Variants in SUPT3H observed in about 807,000 individuals in gnomAD.
SUPT3H encodes the protein SPT3 homolog, SAGA and STAGA complex component, also known as transcription initiation protein SPT3 homolog.
SUPT3H carries 44 observed loss-of-function variants against 44.3 expected under a neutral mutation model. The ratio of observed to expected loss-of-function variants is 0.99; its 90% CI spans 0.78 to 1.28. The LOEUF (loss-of-function observed/expected upper bound fraction) is 1.28, where lower values mean the gene tolerates loss of function less well. Ranked by LOEUF, SUPT3H falls within the 50% of genes most tolerant of loss-of-function variation. The pLI is 0.00. For synonymous variants in SUPT3H, 124 were observed against 125.6 expected (o/e 0.99, Z 0.09); for missense variants, 380 against 387.1 (o/e 0.98, Z 0.15).
At chr6:45,321,587 A>G (rs1342644053) in intron 2 of SUPT3H, among the ~76,000 whole-genome samples, 1 of 152,126 alleles carries the variant, frequency 6.6e-6, no homozygotes, top group Non-Finnish European at 1.5e-5. Context: ...TCCAGTCCAT[A>G]TTCCAAGTTT....
chr6:45,364,341 A>G (rs754379609), intron 2 of SUPT3H, among the ~76,000 whole-genome samples: 1 of 152,206 alleles, frequency 6.6e-6, no homozygotes, highest in Non-Finnish European at 1.5e-5. Flanking sequence ...AACAGTAATC[A>G]TCACATAGTG....
chr6:45,207,604 G>A (rs926487045), intron 2 of SUPT3H, among the ~76,000 whole-genome samples: 4 of 152,054 alleles, frequency 2.6e-5, no homozygotes, highest in African/African-American at 9.7e-5. Flanking sequence ...AACAGCATGG[G>A]CTCATTTCAT....
rs67882992 is a variant in SUPT3H at position 45,290,455 on chromosome 6, T to TTAAAAAAAA, written c.101+74745_101+74746insTTTTTTTTA. The stretch of plus-strand genomic sequence containing the variant: ...TGGAAAAAGATCAGGGCATGGATGA[T>TTAAAAAAAA]CAAAAAAAAAAAAAAAAAGCAGAGG... On this transcript the variant is annotated intron_variant, in intron 2 of 10. Transcript: ENST00000371459. Among the ~76,000 whole-genome samples, 3 of 85,968 alleles carry TTAAAAAAAA rather than the reference T, an allele frequency of 3.5e-5. 1 individual carries two copies. The allele number at this position is 85,968 out of a possible 152,430, so 56.4% of individuals were successfully genotyped here.
Position 45,141,338 on chromosome 6 carries a change from C to CAAAAAAAAAA in SUPT3H, c.102-35342_102-35333dup, listed in dbSNP as rs1162738855. On this transcript the variant is annotated intron_variant, in intron 2 of 10. Transcript: ENST00000371459. ...TGGGAGACAGAGCAAGACTCCATCT[C>CAAAAAAAAAA]AAAAAAAAAAAAAAAAAAAAAAAAA... 4.9e-4 allele frequency among the ~76,000 whole-genome samples: 22 copies of CAAAAAAAAAA among 45,280 alleles called. 2 individuals carry two copies. The highest frequency in any genetic ancestry group is 1.3e-3 in the Admixed American group (3 of 2,340). The allele number at this position is 45,280 out of a possible 152,430, so 29.7% of individuals were successfully genotyped here. A position where few individuals can be genotyped will look rare whatever the true frequency, so the allele number is the denominator to read the frequency against.
chr6:45,019,713 C>T (rs143268587), intron 4 of SUPT3H, among the ~76,000 whole-genome samples: 2,670 of 152,074 alleles, frequency 0.018, 52 homozygotes, highest in South Asian at 0.086. Context: ...AAGACTGCCT[C>T]ACCCTGGGCA....
At chr6:45,015,220 C>A (rs114137272) in intron 4 of SUPT3H, among the ~76,000 whole-genome samples, 4,800 of 152,180 alleles carry the variant, frequency 0.032, 122 homozygotes, top group Admixed American at 0.07. Flanking sequence ...CTTACACAAA[C>A]CTAGATGGAA....
At chr6:45,050,460 AC>A (rs955076796) in intron 3 of SUPT3H, among the ~76,000 whole-genome samples, 1 of 145,998 alleles carries the variant, frequency 6.8e-6, no homozygotes, top group African/African-American at 2.5e-5. Flanking sequence ...GAAAAAAAAA[AC>A]CCATAGTTTG....
intron 2 of SUPT3H, among the ~76,000 whole-genome samples, chr6:45,320,754 G>C (rs529427996): frequency 7.2e-4 from 109 of 152,212 alleles, no homozygotes; most frequent in South Asian, 1.5e-3. Context: ...GTCAATTCCT[G>C]GTAGGGCATC....
rs150293094 is a variant in SUPT3H, at chr6:45,126,043, T to C, written c.102-20037A>G. On this transcript the variant is annotated intron_variant, in intron 2 of 10. Coordinates refer to ENST00000371459, the MANE Select transcript of SUPT3H (RefSeq NM_003599.4). ...AAATATGAACCAACAAGCTTCTGCA[T>C]GTCTCTGAACTCAGATTTGTGCATT... Among the ~76,000 whole-genome samples the C allele has an allele frequency of 2.5e-3, 388 of 152,310 alleles. 2 individuals are homozygous for C. Among genetic ancestry groups the C allele is most frequent in the African/African-American group, 8.5e-3 (354 of 41,568 alleles).
At chr6:44,975,652 C>T (rs1207712146) in intron 6 of SUPT3H, among the ~76,000 whole-genome samples, 1 of 151,512 alleles carries the variant, frequency 6.6e-6, no homozygotes, top group Non-Finnish European at 1.5e-5. Flanking sequence ...TTACAGTGCA[C>T]CAAAATCTTA....
intron 10 of SUPT3H, among the ~76,000 whole-genome samples, chr6:44,894,721 T>C (rs2153444300): frequency 6.6e-6 from 1 of 152,066 alleles, no homozygotes; most frequent in East Asian, 1.9e-4. Flanking sequence ...AAATTATTTA[T>C]AGTCTAATTT....
At chr6:45,248,262 CT>C (rs963560400) in intron 2 of SUPT3H, among the ~76,000 whole-genome samples, 43 of 151,972 alleles carry the variant, frequency 2.8e-4, no homozygotes, top group African/African-American at 9.7e-4. Flanking sequence ...AAATTAAAAG[CT>C]TTTGCTCTGC....
intron 2 of SUPT3H, among the ~76,000 whole-genome samples, chr6:45,287,229 C>T (rs1417746541): frequency 6.6e-6 from 1 of 150,596 alleles, no homozygotes; most frequent in Non-Finnish European, 1.5e-5. Context: ...TACCCTAAAA[C>T]TTAAAGTATA....
chr6:44,885,462 A>C (rs1031736681), intron 10 of SUPT3H, among the ~76,000 whole-genome samples: 3 of 152,124 alleles, frequency 2.0e-5, no homozygotes, highest in Non-Finnish European at 2.9e-5. Flanking sequence ...GTTCACAAAA[A>C]TCCGCTGTTC....
At chr6:44,918,013 C>A (rs60466482) in intron 10 of SUPT3H, among the ~76,000 whole-genome samples, 2 of 152,224 alleles carry the variant, frequency 1.3e-5, no homozygotes, top group Admixed American at 1.3e-4. Flanking sequence ...TCTAGTGATA[C>A]AGCTGGTAAC....
intron 6 of SUPT3H, among the ~76,000 whole-genome samples, chr6:44,979,999 T>G (rs1161141960): frequency 6.6e-6 from 1 of 152,226 alleles, no homozygotes; most frequent in Non-Finnish European, 1.5e-5. Flanking sequence ...TATTTCTGGC[T>G]ACATATATAA....
At chr6:45,181,789 C>T (rs1383071329) in intron 2 of SUPT3H, among the ~76,000 whole-genome samples, 12 of 151,564 alleles carry the variant, frequency 7.9e-5, no homozygotes, top group Admixed American at 3.3e-4. Context: ...GTGGGTGCAG[C>T]GCACCAGCAT....
At chr6:45,036,574 ACT>A (rs1481266541) in intron 3 of SUPT3H, among the ~76,000 whole-genome samples, 5 of 152,202 alleles carry the variant, frequency 3.3e-5, no homozygotes, top group African/African-American at 1.2e-4. Flanking sequence ...TTTCATTCTA[ACT>A]GTTTAAGTTA....
At position 44,961,742 on chromosome 6, in the gene SUPT3H, T is replaced by C. The variant is rs750418849; in HGVS notation, c.580+11A>G. 19 of 1,593,620 alleles carry C rather than the reference T, an allele frequency of 1.2e-5. No individual in the cohort carries two copies. The African/African-American group carries it at 1.8e-4, about 15-fold the overall frequency. On this transcript the variant is annotated intron_variant, in intron 7 of 10. Transcript: ENST00000371459. ...ATGCATATAATTAAGCAAAGTTAAATAGTTACTTACAGAAACTTAATTGTC... is the reference window on the plus strand; with the variant it reads ...ATGCATATAATTAAGCAAAGTTAAACAGTTACTTACAGAAACTTAATTGTC...
Sources: allele counts gnomAD v4.1 joint callset (sites outside exome capture counted in the v4.1 genomes callset), GRCh38; gene constraint gnomAD v4.1.1; transcripts MANE v1.5; gene names NCBI Gene and HGNC (gene_info 2026-07-23, HGNC 2026-07-21).